The following GTF2E2 variants were observed in gnomAD, a reference collection of about 807,000 sequenced individuals.
GTF2E2 encodes general transcription factor IIE subunit 2.
A neutral mutation model predicts 40.5 loss-of-function variants in GTF2E2; 21 were observed. The observed-to-expected ratio is 0.52, with a 90% CI of 0.37 to 0.75. The LOEUF is 0.75. GTF2E2 is among the 30% of genes least tolerant of loss of function. The pLI is 0.00. For synonymous variants in GTF2E2, 117 were observed against 121.6 expected, an observed-to-expected ratio of 0.96 and a Z score of 0.25; for missense variants, 298 against 338.4, an observed-to-expected ratio of 0.88 and a Z score of 0.94.
rs1281637760 is a variant in GTF2E2, at chr8:30,594,586, G to A, written c.643+12471C>T. Among the ~76,000 whole-genome samples the A allele has an allele frequency of 4.6e-5, 7 of 150,842 alleles. 1 individual carries two copies. The highest frequency in any genetic ancestry group is 3.9e-4 in the East Asian group (2 of 5,130). Reference sequence around the variant, plus strand: ...AAAAAAAAAAAAAGTGGCCAGGCACGGTGGCTCATGCCTATAATCCCAGCA... The same window carrying A: ...AAAAAAAAAAAAAGTGGCCAGGCACAGTGGCTCATGCCTATAATCCCAGCA... On this transcript the variant is annotated intron_variant, in intron 6 of 7. Transcript: ENST00000355904.
intron 3 of GTF2E2, among the ~76,000 whole-genome samples, chr8:30,629,490 T>C (rs908437571): frequency 6.6e-6 from 1 of 151,886 alleles, no homozygotes; most frequent in South Asian, 2.1e-4. Context: ...ATCCAGACCA[T>C]CCTGGCTAAC....
intron 2 of GTF2E2, among the ~76,000 whole-genome samples, chr8:30,639,327 TTC>T (rs1188616240): frequency 2.6e-5 from 4 of 152,172 alleles, no homozygotes; most frequent in South Asian, 2.1e-4. Context: ...ACTGTGAAAT[TTC>T]TCTCTCGTAA....
At chr8:30,637,024 C>G (rs186606848) in intron 2 of GTF2E2, 2 of 409,998 alleles carry the variant, frequency 4.9e-6, no homozygotes, top group South Asian at 1.8e-5. Flanking sequence ...CATACGTAAT[C>G]CCTCCCAAAA....
At chr8:30,579,335 C>A in intron 7 of GTF2E2, among the ~76,000 whole-genome samples, 1 of 151,974 alleles carries the variant, frequency 6.6e-6, no homozygotes, top group East Asian at 1.9e-4. Context: ...AGCTCTGTCT[C>A]TGTCATCAGG....
intron 3 of GTF2E2, among the ~76,000 whole-genome samples, chr8:30,625,225 C>T (rs990801194): frequency 9.9e-5 from 15 of 151,902 alleles, no homozygotes; most frequent in Admixed American, 2.0e-4. Flanking sequence ...GTATGAAGCG[C>T]TGTTGAATTT....
At chr8:30,634,216 G>C (rs928946817) in intron 3 of GTF2E2, among the ~76,000 whole-genome samples, 1 of 152,182 alleles carries the variant, frequency 6.6e-6, no homozygotes, top group Admixed American at 6.5e-5. Context: ...GGGAGACCGA[G>C]GTGGGAAAAT....
chr8:30,625,977 C>CT, intron 3 of GTF2E2, among the ~76,000 whole-genome samples: 1 of 152,178 alleles, frequency 6.6e-6, no homozygotes, highest in Non-Finnish European at 1.5e-5. Context: ...CAAACAAAAG[C>CT]ATAGTAGGCT....
At position 30,601,729 on chromosome 8, in the gene GTF2E2, A is replaced by G. The variant is rs1433278778; in HGVS notation, c.643+5328T>C. ...ACAAAGTATTTTTGGCACTTTTAATAAACTTTTCTAGGAATATACAATGTA... is the reference window on the plus strand; with the variant it reads ...ACAAAGTATTTTTGGCACTTTTAATGAACTTTTCTAGGAATATACAATGTA... On this transcript the variant is annotated intron_variant, in intron 6 of 7. Coordinates refer to ENST00000355904, the MANE Select transcript of GTF2E2 (RefSeq NM_002095.6). 1.3e-5 allele frequency among the ~76,000 whole-genome samples: 2 copies of G among 152,220 alleles called. 1 individual carries two copies. The highest frequency in any genetic ancestry group is 4.8e-5 in the African/African-American group (2 of 41,456).
At chr8:30,636,358 A>G (rs2128724117) in intron 2 of GTF2E2, among the ~76,000 whole-genome samples, 1 of 152,346 alleles carries the variant, frequency 6.6e-6, no homozygotes, top group Middle Eastern at 3.4e-3. Context: ...CAGGTTGGTA[A>G]TAATAATTTA....
At chr8:30,603,284 A>G (rs1043659591) in intron 6 of GTF2E2, among the ~76,000 whole-genome samples, 4 of 152,210 alleles carry the variant, frequency 2.6e-5, no homozygotes, top group African/African-American at 7.2e-5. Flanking sequence ...AATAAATTAT[A>G]CCATTTCCAA....
At position 30,613,321 on chromosome 8, in the gene GTF2E2, T is replaced by G. The variant is rs1337505869; in HGVS notation, c.367-840A>C. Among the ~76,000 whole-genome samples, 8 of 152,300 alleles carry G rather than the reference T, an allele frequency of 5.3e-5. 1 individual carries two copies. In the South Asian group the frequency reaches 1.7e-3, roughly 32 times the overall value. On this transcript the variant is annotated intron_variant, in intron 4 of 7. Coordinates refer to ENST00000355904, the MANE Select transcript of GTF2E2 (RefSeq NM_002095.6). ...GGACCAGACTAGTGCATACAAGAACTTTACCTATAATGTCAGCTTGAGAAT... is the reference window on the plus strand; with the variant it reads ...GGACCAGACTAGTGCATACAAGAACGTTACCTATAATGTCAGCTTGAGAAT...
intron 6 of GTF2E2, among the ~76,000 whole-genome samples, chr8:30,593,131 C>A (rs1368582733): frequency 6.6e-6 from 1 of 152,180 alleles, no homozygotes. Flanking sequence ...GAGGAGGTTG[C>A]AGTGAGCTGA....
At chr8:30,640,867 G>A (rs553324716) in intron 2 of GTF2E2, among the ~76,000 whole-genome samples, 1 of 152,230 alleles carries the variant, frequency 6.6e-6, no homozygotes, top group South Asian at 2.1e-4. Flanking sequence ...ACCACAACTG[G>A]CTAATTTTTG....
chr8:30,623,996 G>C (rs1310352981), intron 3 of GTF2E2, among the ~76,000 whole-genome samples: 1 of 152,014 alleles, frequency 6.6e-6, no homozygotes, highest in African/African-American at 2.4e-5. Flanking sequence ...CTTTTGCTGT[G>C]CAGAAGCCCT....
At chr8:30,604,094 C>G in intron 6 of GTF2E2, among the ~76,000 whole-genome samples, 1 of 152,078 alleles carries the variant, frequency 6.6e-6, no homozygotes, top group East Asian at 1.9e-4. Context: ...AAAGAATCTA[C>G]TATTCTCATA....
At chr8:30,627,192 GACAA>G (rs1188347282) in intron 3 of GTF2E2, among the ~76,000 whole-genome samples, 1 of 152,086 alleles carries the variant, frequency 6.6e-6, no homozygotes, top group Non-Finnish European at 1.5e-5. Context: ...TTAATAAACT[GACAA>G]ACAGCTTGTT....
intron 3 of GTF2E2, 69 bp downstream of exon 3, chr8:30,634,963 G>A (rs1563500836): frequency 2.5e-6 from 2 of 807,774 alleles, no homozygotes; most frequent in East Asian, 5.0e-5. Context: ...TTTAACTTCT[G>A]AAAACCCTAA....
At chr8:30,652,562 CAG>C (rs1455832453) in intron 2 of GTF2E2, among the ~76,000 whole-genome samples, 1 of 139,804 alleles carries the variant, frequency 7.2e-6, no homozygotes, top group African/African-American at 2.6e-5. Context: ...AAAAAAAAAA[CAG>C]AATTTCAAGC....
chr8:30,650,936 C>T (rs566905611), intron 2 of GTF2E2, among the ~76,000 whole-genome samples: 43 of 151,408 alleles, frequency 2.8e-4, no homozygotes, highest in South Asian at 2.1e-4. Context: ...ACAGCATGAA[C>T]CCGGGAAGTG....
Sources: allele counts gnomAD v4.1 joint callset (sites outside exome capture counted in the v4.1 genomes callset), GRCh38; gene constraint gnomAD v4.1.1; transcripts MANE v1.5; gene names NCBI Gene and HGNC (gene_info 2026-07-23, HGNC 2026-07-21).